Variants in TUBGCP2 observed in about 807,000 individuals in gnomAD.
The protein encoded by TUBGCP2 is gamma-tubulin complex component 2.
Under a neutral mutation model 92.2 loss-of-function variants are expected in TUBGCP2, and 55 were observed. The ratio of observed to expected loss-of-function variants is 0.60; its 90% confidence interval spans 0.48 to 0.75. TUBGCP2 has a LOEUF of 0.75. TUBGCP2 is among the 30% of genes least tolerant of loss of function. The pLI is 0.00. For missense variants in TUBGCP2, 1,093 were observed against 1,188.9 expected (o/e 0.92, Z 1.19); for synonymous variants, 533 against 505.2 (o/e 1.06, Z -0.74).
rs539249854 is a variant in TUBGCP2, at chr10:133,289,563, G to A, written c.1360+261C>T. On this transcript the variant is annotated intron_variant, in intron 9 of 17. Transcript: ENST00000252936. ...ACAGAAATAGAGAAGGCACCTGTGA[G>A]AGAGCCTCGCAGGGTCAGGGACAGA... 2.0e-5 allele frequency among the ~76,000 whole-genome samples: 3 copies of A among 152,328 alleles called. No individual in the cohort carries two copies. In the South Asian group the frequency reaches 6.2e-4, roughly 32 times the overall value.
intron 1 of TUBGCP2, chr10:133,308,468 A>C: frequency 6.5e-6 from 1 of 152,874 alleles, no homozygotes; most frequent in Non-Finnish European, 1.5e-5. Context: ...TTTAGAGGGA[A>C]CAAGATCCAG....
chr10:133,308,935 C>T (rs1257127135), upstream of TUBGCP2: 3 of 1,222,670 alleles, frequency 2.5e-6, no homozygotes, highest in African/African-American at 3.1e-5. Flanking sequence ...CCCGCCCGCG[C>T]CCGGGGTGAT....
upstream of TUBGCP2, chr10:133,309,107 A>G (rs1847918924): frequency 7.6e-7 from 1 of 1,322,388 alleles, no homozygotes. Context: ...GTGCGTGAGC[A>G]AAAGAGGGAA....
At chr10:133,290,079 T>C in intron 8 of TUBGCP2, 110 bp from the exon 9 acceptor site, 1 of 1,436,770 alleles carries the variant, frequency 7.0e-7, no homozygotes. Context: ...CCAGCACACT[T>C]CCAAGTAACG....
At chr10:133,283,041 G>A (rs191099166) in intron 15 of TUBGCP2, 37 bp downstream of exon 15, 78 of 1,610,898 alleles carry the variant, frequency 4.8e-5, no homozygotes, top group East Asian at 3.8e-4. Context: ...GCCCACCCGC[G>A]CCTGCCCACC....
Position 133,283,068 on chromosome 10 carries a change from AC to A in TUBGCP2, c.2289+9del. On this transcript the variant is annotated intron_variant, in intron 15 of 17. Coordinates refer to ENST00000252936, the MANE Select transcript of TUBGCP2 (RefSeq NM_006659.4). The stretch of plus-strand genomic sequence containing the variant: ...CTGCCCACCCGATGGTGCTACCCAC[AC>A]CCACGCACCTGCATGCAGTTGGTGA... The A allele has an allele frequency of 6.2e-7, 1 of 1,614,058 alleles. No individual in the cohort carries two copies. The highest frequency in any genetic ancestry group is 8.5e-7 in the Non-Finnish European group (1 of 1,179,986).
intron 8 of TUBGCP2, chr10:133,290,248 A>G (rs1370526058): frequency 5.5e-6 from 2 of 364,934 alleles, no homozygotes; most frequent in East Asian, 5.1e-5. Context: ...TAACCCCAGC[A>G]CTTTGGGAGG....
Position 133,279,489 on chromosome 10 carries a change from T to C in TUBGCP2, c.*277A>G, listed in dbSNP as rs1252690338. ...TTGCTTGCTCCTGGCTTAAACACCA[T>C]GTATTTCCACTTTGAGGCCAAAAAC... On this transcript the variant is annotated 3_prime_UTR_variant, in exon 18 of 18. Coordinates refer to ENST00000252936, the MANE Select transcript of TUBGCP2 (RefSeq NM_006659.4). 7 of 468,850 alleles carry C rather than the reference T, an allele frequency of 1.5e-5. No homozygotes were observed. The highest frequency in any genetic ancestry group is 8.6e-5 in the Admixed American group (2 of 23,200). The allele number at this position is 468,850 out of a possible 1,614,324, so 29.0% of individuals were successfully genotyped here. A position where few individuals can be genotyped will look rare whatever the true frequency, so the allele number is the denominator to read the frequency against.
chr10:133,286,842 T>G (rs3008339), intron 11 of TUBGCP2, among the ~76,000 whole-genome samples: 138,310 of 152,236 alleles, frequency 0.91, 62,970 homozygotes, highest in African/African-American at 0.95. Context: ...AAACAGAAAT[T>G]ATGACGCTAG....
chr10:133,278,742 C>G lies in TUBGCP2; in HGVS notation c.*1024G>C, dbSNP rs952512587. On this transcript the variant is annotated 3_prime_UTR_variant, in exon 18 of 18. Coordinates refer to ENST00000252936, the MANE Select transcript of TUBGCP2 (RefSeq NM_006659.4). ...ACACCCCCACCCCCACTCGGCGGTG[C>G]TCTCAGTGAGGCAGCCCCGGGTGAG... 2.0e-5 allele frequency: 3 copies of G among 151,302 alleles called. No individual in the cohort carries two copies. Among genetic ancestry groups the G allele is most frequent in the Non-Finnish European group, 4.4e-5 (3 of 67,968 alleles). 9.4% of individuals were successfully genotyped at this position (151,302 alleles called of 1,614,324 possible).
chr10:133,310,165 A>G (rs1437486104), upstream of TUBGCP2: 6 of 1,613,774 alleles, frequency 3.7e-6, no homozygotes, highest in African/African-American at 1.3e-5. Flanking sequence ...CCATTTCAGT[A>G]TCAGTGCTTG....
Position 133,308,857 on chromosome 10 carries a change from CGACG to C in TUBGCP2, c.-78_-75del. 1 of 1,141,248 alleles carries C rather than the reference CGACG, an allele frequency of 8.8e-7. No homozygotes were observed. The highest frequency in any genetic ancestry group is 1.6e-5 in the African/African-American group (1 of 62,022). The allele number at this position is 1,141,248 out of a possible 1,614,324, so 70.7% of individuals were successfully genotyped here. ...GGAGCCACAGCCCCCGCGCAGCCCC[CGACG>C]GCGGCGGAAGTGAGCGTGACGTCAC... is the stretch of plus-strand genomic sequence containing the variant. On this transcript the variant is annotated 5_prime_UTR_variant, in exon 1 of 18. Coordinates refer to ENST00000252936, the MANE Select transcript of TUBGCP2 (RefSeq NM_006659.4).
intron 5 of TUBGCP2, chr10:133,297,243 A>G (rs2136131537): frequency 3.1e-6 from 1 of 323,606 alleles, no homozygotes; most frequent in Middle Eastern, 1.1e-3. Context: ...CTCTACTAAA[A>G]ATATAAAAAT....
upstream of TUBGCP2, chr10:133,309,596 G>C (rs2136151071): frequency 1.6e-6 from 2 of 1,274,852 alleles, no homozygotes; most frequent in East Asian, 5.0e-5. Context: ...GTCCAGCTTT[G>C]GCGTGGCCGA....
intron 8 of TUBGCP2, among the ~76,000 whole-genome samples, chr10:133,292,075 G>A (rs375661854): frequency 0.012 from 30 of 2,586 alleles, 2 homozygotes; most frequent in African/African-American, 0.044. Flanking sequence ...CGTGTCCCCC[G>A]TGTCCCTCCG....
chr10:133,299,676 C>T, intron 3 of TUBGCP2, 73 bp from the exon 4 acceptor site: 1 of 1,353,972 alleles, frequency 7.4e-7, no homozygotes, highest in East Asian at 2.3e-5. Context: ...GTAGGGACGA[C>T]ACCACCAGGA....
At position 133,283,209 on chromosome 10, in the gene TUBGCP2, C is replaced by T; in HGVS notation, c.2158G>A (p.Asp720Asn). 1 of 1,614,204 alleles carries T rather than the reference C, an allele frequency of 6.2e-7. No homozygotes were observed. Among genetic ancestry groups the T allele is most frequent in the Middle Eastern group, 1.6e-4 (1 of 6,062 alleles). The change falls in exon 15 of 18, where the codon GAC (aspartate) becomes AAC (asparagine). Residue 720 changes from aspartate to asparagine, a missense_variant. Asp to Asn is a conservative substitution (Grantham distance 23). Around this residue, in one of 3 missense-constraint regions of TUBGCP2, gnomAD observed 598 missense variants for 675.5 expected, o/e 0.89. Transcript: ENST00000252936. ...CCTGTGTGGTGGCCAAGGACGTCGT[C>T]AATGTTGGAGGCCTGCGGGGAACAG... ...EKNLKSASNIDDVLGHHTGFL... is the reference protein window; with the variant it reads ...EKNLKSASNINDVLGHHTGFL...
At position 133,283,106 on chromosome 10, in the gene TUBGCP2, A is replaced by G. The variant is rs747948087; in HGVS notation, c.2261T>C (p.Val754Ala). Residue 754 changes from valine (V) to alanine (A), a missense_variant, in exon 15 of 18, where the codon GTG becomes GCG. Physicochemically the swap from Val to Ala is moderately conservative, Grantham distance 64. This residue lies in a region of TUBGCP2 where 598 missense variants were observed against 675.5 expected (regional missense o/e 0.89). Coordinates refer to ENST00000252936, the MANE Select transcript of TUBGCP2 (RefSeq NM_006659.4). ...LLKVFSKLMS[V>A]CVMFTNCMQK... ...CATGCAGTTGGTGAACATGACGCAC[A>G]CAGACATGAGCTTGGAGAAGACCTT... 3.7e-6 allele frequency: 6 copies of G among 1,614,110 alleles called. No individual in the cohort carries two copies. In the African/African-American group the frequency reaches 4.0e-5, roughly 11 times the overall value.
upstream of TUBGCP2, chr10:133,309,037 G>T: frequency 7.9e-7 from 1 of 1,270,164 alleles, no homozygotes; most frequent in East Asian, 3.1e-5. Context: ...GGCTGGGGCC[G>T]CGCCCTTTCG....
Sources: gnomAD v4.1 joint callset for allele counts (sites outside exome capture counted in the v4.1 genomes callset) on GRCh38, gnomAD v4.1.1 for gene constraint, gnomAD v4.1.1 regional missense constraint, MANE v1.5 for transcripts, NCBI Gene and HGNC (gene_info 2026-07-23, HGNC 2026-07-21) for gene names.